RFC1: variants seen among roughly 807,000 people sequenced by gnomAD.
The protein encoded by RFC1 is A1 140 kDa subunit.
In RFC1, 37 loss-of-function variants were observed where a neutral mutation model predicts 137.4. That is an observed-to-expected ratio of 0.27 (90% CI 0.21 to 0.35). The LOEUF is 0.35. Among genes scored for constraint, RFC1 ranks in the 10% least tolerant of loss-of-function variants. RFC1 has a pLI of 1.00. For missense variants in RFC1, 1,205 were observed against 1,358.5 expected (o/e 0.89, Z 1.78); for synonymous variants, 429 against 455.7 (o/e 0.94, Z 0.75).
At chr4:39,328,079 G>A (rs1739873225) in intron 4 of RFC1, among the ~76,000 whole-genome samples, 1 of 152,172 alleles carries the variant, frequency 6.6e-6, no homozygotes, top group Non-Finnish European at 1.5e-5. Flanking sequence ...GCTGCAGTTA[G>A]CTGTGATTGC....
chr4:39,312,803 T>A lies in RFC1; in HGVS notation c.1332A>T (p.Lys444Asn). The A allele has an allele frequency of 6.2e-7, 1 of 1,614,144 alleles. No individual in the cohort carries two copies. The highest frequency in any genetic ancestry group is 8.5e-7 in the Non-Finnish European group (1 of 1,180,018). The change falls in exon 11 of 25, where the codon AAA (lysine) becomes AAT (asparagine). Residue 444 changes from lysine (K) to asparagine (N), a missense_variant. By Grantham distance (94) the Lys-to-Asn change is moderately conservative (BLOSUM62 0). Around this residue, in one of 3 missense-constraint regions of RFC1, gnomAD observed 962 missense variants for 1,035.3 expected, o/e 0.93. Coordinates refer to ENST00000349703, the MANE Select transcript of RFC1 (RefSeq NM_002913.5). ...CACGACCCATGACAAGATAATTTGT[T>A]TTCTTGCTGACATTTCCTGTTACTT... The part of the protein sequence containing the change: ...GGKVTGNVSK[K>N]TNYLVMGRDS...
chr4:39,353,842 C>G (rs1463895008), intron 1 of RFC1, among the ~76,000 whole-genome samples: 1 of 152,144 alleles, frequency 6.6e-6, no homozygotes, highest in African/African-American at 2.4e-5. Flanking sequence ...ATGGAAATAA[C>G]CAAACTGTAA....
intron 7 of RFC1, chr4:39,321,847 G>A (rs1739535006): frequency 6.4e-6 from 1 of 156,014 alleles, no homozygotes; most frequent in South Asian, 2.0e-4. Flanking sequence ...ACAAATTGAG[G>A]TGTGTGATAC....
rs962644007 is a variant in RFC1 at position 39,366,346 on chromosome 4, T to G, written c.-105A>C. On this transcript the variant is annotated 5_prime_UTR_variant, in exon 1 of 25. Transcript: ENST00000349703. ...CGCGCCAACAACTTCTCCCGCGAAG[T>G]GCAAGAAGGCGAAGACAGTGGCGCG... 8 of 1,320,180 alleles carry G rather than the reference T, an allele frequency of 6.1e-6. No homozygotes were observed. Among genetic ancestry groups the G allele is most frequent in the African/African-American group, 3.1e-5 (2 of 65,512 alleles). The allele number at this position is 1,320,180 out of a possible 1,614,324, so 81.8% of individuals were successfully genotyped here. A position where few individuals can be genotyped will look rare whatever the true frequency, so the allele number is the denominator to read the frequency against.
At chr4:39,342,797 TAAGA>T (rs1740669662) in intron 3 of RFC1, among the ~76,000 whole-genome samples, 2 of 152,180 alleles carry the variant, frequency 1.3e-5, no homozygotes, top group South Asian at 4.1e-4. Flanking sequence ...CTGAATACTC[TAAGA>T]AAGAATTTTA....
intron 1 of RFC1, 145 bp from the exon 2 acceptor site, chr4:39,351,621 C>G (rs1245477751): frequency 1.6e-6 from 1 of 621,004 alleles, no homozygotes; most frequent in East Asian, 3.8e-5. Flanking sequence ...AATATAGTAG[C>G]TTTCTTTTCA....
chr4:39,363,302 T>C (rs1741849150), intron 1 of RFC1, among the ~76,000 whole-genome samples: 1 of 152,196 alleles, frequency 6.6e-6, no homozygotes, highest in Non-Finnish European at 1.5e-5. Context: ...GTGGTTCAAA[T>C]TTCGAAAGGG....
intron 21 of RFC1, among the ~76,000 whole-genome samples, chr4:39,299,039 C>T (rs550347322): frequency 1.6e-4 from 25 of 152,244 alleles, no homozygotes; most frequent in Non-Finnish European, 2.9e-4. Flanking sequence ...TGTGGGTTTA[C>T]GGGAATGAGG....
At chr4:39,326,710 C>T in intron 5 of RFC1, 70 bp from the exon 6 acceptor site, 1 of 1,207,974 alleles carries the variant, frequency 8.3e-7, no homozygotes, top group Non-Finnish European at 1.2e-6. Flanking sequence ...TTTTTCTTGA[C>T]TGTTGCTGAT....
At chr4:39,346,639 T>C (rs1284297635) in intron 2 of RFC1, among the ~76,000 whole-genome samples, 2 of 152,180 alleles carry the variant, frequency 1.3e-5, no homozygotes, top group East Asian at 3.8e-4. Context: ...ATAGAAACTA[T>C]TTCTATCCAT....
intron 4 of RFC1, among the ~76,000 whole-genome samples, chr4:39,340,554 A>T (rs140531496): frequency 1.1e-3 from 169 of 152,342 alleles, no homozygotes; most frequent in African/African-American, 3.9e-3. Context: ...TAACGTAAAG[A>T]GTAATGAAAG....
At chr4:39,327,072 T>A (rs1578141135) in intron 5 of RFC1, among the ~76,000 whole-genome samples, 2 of 152,314 alleles carry the variant, frequency 1.3e-5, no homozygotes, top group Middle Eastern at 6.8e-3. Context: ...CCATAATTTA[T>A]CTGGTATGTC....
At chr4:39,321,447 T>TTTTGATGGATTTTAA in intron 7 of RFC1, 73 bp from the exon 8 acceptor site, 1 of 1,414,856 alleles carries the variant, frequency 7.1e-7, no homozygotes, top group Non-Finnish European at 9.8e-7. Context: ...GTTGTTAAAA[T>TTTTGATGGATTTTAA]CCATCAAAAT....
chr4:39,324,757 A>G (rs951661107), intron 6 of RFC1, among the ~76,000 whole-genome samples: 1 of 152,342 alleles, frequency 6.6e-6, no homozygotes, highest in Non-Finnish European at 1.5e-5. Context: ...CTTAGAGCCT[A>G]TACTTGCCAT....
intron 4 of RFC1, among the ~76,000 whole-genome samples, chr4:39,333,576 A>G (rs1448806543): frequency 6.6e-6 from 1 of 152,070 alleles, no homozygotes; most frequent in African/African-American, 2.4e-5. Flanking sequence ...TGAAAAAAAA[A>G]AACCTCATGA....
chr4:39,340,258 G>T (rs1028720201), intron 4 of RFC1, among the ~76,000 whole-genome samples: 1 of 152,144 alleles, frequency 6.6e-6, no homozygotes, highest in Non-Finnish European at 1.5e-5. Flanking sequence ...GATAAAGTAT[G>T]CAATAATGAA....
rs554587530 is a variant in RFC1 at position 39,359,775 on chromosome 4, T to C, written c.3+6464A>G. Reference sequence around the variant, plus strand: ...AGGCGGACCTTGCAGTGAGCCAAGATTGCGCCACTGCACTCCAGCCTGGGT... The same window carrying C: ...AGGCGGACCTTGCAGTGAGCCAAGACTGCGCCACTGCACTCCAGCCTGGGT... On this transcript the variant is annotated intron_variant, in intron 1 of 24. Coordinates refer to ENST00000349703, the MANE Select transcript of RFC1 (RefSeq NM_002913.5). Among the ~76,000 whole-genome samples the C allele has an allele frequency of 4.0e-5, 6 of 151,326 alleles. No homozygotes were observed. In the South Asian group the frequency reaches 1.0e-3, roughly 26 times the overall value.
Position 39,295,876 on chromosome 4 carries a change from C to A in RFC1, c.2809-117G>T, listed in dbSNP as rs553822987. The A allele has an allele frequency of 6.6e-5, 57 of 857,442 alleles. No homozygotes were observed. The South Asian group carries it at 1.2e-3, about 18-fold the overall frequency. The allele number at this position is 857,442 out of a possible 1,614,324, so 53.1% of individuals were successfully genotyped here. A position where few individuals can be genotyped will look rare whatever the true frequency, so the allele number is the denominator to read the frequency against. On this transcript the variant is annotated intron_variant, in intron 21 of 24. Coordinates refer to ENST00000349703, the MANE Select transcript of RFC1 (RefSeq NM_002913.5). ...AAAGCAACACTGTACCAAATACCTACCTACAGGGCAGTCAGACCCTTTCTA... is the reference window on the plus strand; with the variant it reads ...AAAGCAACACTGTACCAAATACCTAACTACAGGGCAGTCAGACCCTTTCTA...
At chr4:39,304,466 T>C (rs11937378) in intron 15 of RFC1, among the ~76,000 whole-genome samples, 2,498 of 152,326 alleles carry the variant, frequency 0.016, 54 homozygotes, top group African/African-American at 0.057. Context: ...ATTACATACA[T>C]GCAGAGTGAG....
Sources: allele counts gnomAD v4.1 joint callset (sites outside exome capture counted in the v4.1 genomes callset), GRCh38; gene constraint gnomAD v4.1.1; regional missense constraint gnomAD v4.1.1; transcripts MANE v1.5; gene names NCBI Gene and HGNC (gene_info 2026-07-23, HGNC 2026-07-21).